The following MRPL46 variants were observed in gnomAD, a reference collection of about 807,000 sequenced individuals.
MRPL46 encodes the protein large ribosomal subunit protein mL46.
A neutral mutation model predicts 31.0 loss-of-function variants in MRPL46; 26 were observed. That is an observed-to-expected ratio of 0.84 (90% CI 0.61 to 1.16). The LOEUF is 1.16. MRPL46 is among the 50% of genes most tolerant of loss of function. MRPL46 has a pLI of 0.00. For synonymous variants in MRPL46, 159 were observed against 141.3 expected, an observed-to-expected ratio of 1.13 and a Z score of -0.89; for missense variants, 395 against 340.0, an observed-to-expected ratio of 1.16 and a Z score of -1.27.
chr15:88,464,708 A>T lies in MRPL46; in HGVS notation c.584T>A (p.Leu195His). Residue 195 changes from leucine (L) to histidine (H), a missense_variant, in exon 3 of 4, where the codon CTC (leucine) becomes CAC (histidine). By Grantham distance (99) the Leu-to-His change is moderately conservative (BLOSUM62 -3). Coordinates refer to ENST00000312475, the MANE Select transcript of MRPL46 (RefSeq NM_022163.4). ...RGTAERTLAT[L>H]SENNMEAKFL... is the part of the protein sequence containing the mutation. ...GAGGAAGGCAGAAAACCCACCTGAG[A>T]GTGTGGCCAGGGTTCGTTCAGCTGT... 1 of 1,613,526 alleles carries T rather than the reference A, an allele frequency of 6.2e-7. No individual in the cohort carries two copies. The highest frequency in any genetic ancestry group is 2.2e-5 in the East Asian group (1 of 44,826).
At chr15:88,466,016 T>A (rs188871077) in intron 1 of MRPL46, among the ~76,000 whole-genome samples, 2 of 152,162 alleles carry the variant, frequency 1.3e-5, no homozygotes, top group Non-Finnish European at 2.9e-5. Flanking sequence ...GGGTCAAGAG[T>A]GCTACAAAAA....
intron 1 of MRPL46, among the ~76,000 whole-genome samples, chr15:88,466,694 TTCACAGCC>T (rs1567041023): frequency 6.6e-6 from 1 of 152,162 alleles, no homozygotes. Context: ...ACCTCACACC[TTCACAGCC>T]ACTACACTGT....
intron 3 of MRPL46, chr15:88,462,088 C>G (rs1270676567): frequency 6.6e-6 from 1 of 151,988 alleles, no homozygotes; most frequent in African/African-American, 2.4e-5. Flanking sequence ...AGGAAAATTA[C>G]ATCTTACACT....
In MRPL46 at chr15:88,465,831, A is replaced by T. The variant is rs940323793; in HGVS notation, c.229-58T>A. ...AATCTGGCAAAATTAAAAGGAAAAA[A>T]AAAACAGGAAGAATAAAACAGAGAC... On this transcript the variant is annotated intron_variant, in intron 1 of 3. Coordinates refer to ENST00000312475, the MANE Select transcript of MRPL46 (RefSeq NM_022163.4). 1.2e-5 allele frequency: 18 copies of T among 1,471,362 alleles called. No individual in the cohort carries two copies. The African/African-American group carries it at 2.6e-4, about 21-fold the overall frequency. The allele number at this position is 1,471,362 out of a possible 1,614,324, so 91.1% of individuals were successfully genotyped here.
At chr15:88,465,197 T>C (rs113508518) in intron 2 of MRPL46, 44 of 408,858 alleles carry the variant, frequency 1.1e-4, no homozygotes, top group African/African-American at 8.2e-4. Flanking sequence ...CTGACTTAAC[T>C]AGCCCCTACT....
At chr15:88,467,033 G>C in intron 1 of MRPL46, 117 bp downstream of exon 1, 1 of 1,178,900 alleles carries the variant, frequency 8.5e-7, no homozygotes, top group Non-Finnish European at 1.2e-6. Flanking sequence ...AACCAAGTCA[G>C]TAAGGTAGGT....
intron 1 of MRPL46, among the ~76,000 whole-genome samples, chr15:88,466,367 T>C (rs2055533308): frequency 6.6e-6 from 1 of 152,254 alleles, no homozygotes; most frequent in Non-Finnish European, 1.5e-5. Flanking sequence ...ACAACACTTA[T>C]CAGGGTCTGC....
chr15:88,467,329 G>T lies in MRPL46; in HGVS notation c.49C>A (p.Arg17=). 6.2e-7 allele frequency: 1 copy of T among 1,605,276 alleles called. No homozygotes were observed. ...CCGGCCCAGAGCCTCTCGAACCGCC[G>T]CCAACCCCCCGCCACCCCTAACAGC... ...RTLLGVAGGW[R]RFERLWAGSL... The change falls in exon 1 of 4, where the codon CGG becomes AGG. Residue 17 remains arginine (R), a synonymous_variant. Transcript: ENST00000312475.
At position 88,459,532 on chromosome 15, in the gene MRPL46, C is replaced by G. The variant is rs1177653475; in HGVS notation, c.*81G>C. ...TTAGTTTGCTGCTTGATATTACCTG[C>G]AAATGTGAGGCAATCACACAATGTC... On this transcript the variant is annotated 3_prime_UTR_variant, in exon 4 of 4. Transcript: ENST00000312475. The G allele has an allele frequency of 1.1e-5, 18 of 1,570,162 alleles. No individual in the cohort carries two copies. The highest frequency in any genetic ancestry group is 1.6e-5 in the Non-Finnish European group (18 of 1,152,654).
chr15:88,467,236 A>C lies in MRPL46; in HGVS notation c.142T>G (p.Leu48Val). The C allele has an allele frequency of 6.2e-7, 1 of 1,614,126 alleles. No homozygotes were observed. The highest frequency in any genetic ancestry group is 1.3e-5 in the African/African-American group (1 of 75,068). ...PSSNGSPWRL[L>V]GALCLQRPPV... ...GGCCGCTGCAGGCACAACGCGCCCA[A>C]CAAGCGCCATGGGGATCCGTTGCTT... is the stretch of plus-strand genomic sequence containing the variant. Residue 48 changes from leucine (L) to valine (V), a missense_variant, in exon 1 of 4, where the codon TTG becomes GTG. Transcript: ENST00000312475.
intron 3 of MRPL46, chr15:88,464,212 A>T (rs2055501171): frequency 6.4e-6 from 1 of 156,924 alleles, no homozygotes; most frequent in African/African-American, 2.4e-5. Flanking sequence ...CCCAAACACC[A>T]ATAATGCCAG....
In MRPL46 at chr15:88,467,372, C is replaced by T. The variant is rs1381697367; in HGVS notation, c.6G>A (p.Ala2=). Reference sequence around the variant, plus strand: ...CTAACAGCGTCCGCCTTACGGGCGCCGCCATCTTTCGTTCTCCCACAATGC... The same window carrying T: ...CTAACAGCGTCCGCCTTACGGGCGCTGCCATCTTTCGTTCTCCCACAATGC... M[A]APVRRTLLGV... The change falls in exon 1 of 4, where the codon GCG becomes GCA. Residue 2 remains alanine, a synonymous_variant. Coordinates refer to ENST00000312475, the MANE Select transcript of MRPL46 (RefSeq NM_022163.4). 6.4e-7 allele frequency: 1 copy of T among 1,568,328 alleles called. No homozygotes were observed. The highest frequency in any genetic ancestry group is 8.6e-7 in the Non-Finnish European group (1 of 1,156,332).
In MRPL46 at chr15:88,459,883, A is replaced by G; in HGVS notation, c.590-20T>C. 6.2e-7 allele frequency: 1 copy of G among 1,613,424 alleles called. No homozygotes were observed. The highest frequency in any genetic ancestry group is 8.5e-7 in the Non-Finnish European group (1 of 1,179,578). On this transcript the variant is annotated intron_variant, in intron 3 of 3. Transcript: ENST00000312475. Reference sequence around the variant, plus strand: ...TGTTTTCTGAAGAGGGAGGAAAGAAAAATCACAATTGGAAGGTAAGGATAC... The same window carrying G: ...TGTTTTCTGAAGAGGGAGGAAAGAAGAATCACAATTGGAAGGTAAGGATAC...
chr15:88,459,694 C>G lies in MRPL46; in HGVS notation c.759G>C (p.Val253=). 6.2e-7 allele frequency: 1 copy of G among 1,614,198 alleles called. No individual in the cohort carries two copies. Among genetic ancestry groups the G allele is most frequent in the Non-Finnish European group, 8.5e-7 (1 of 1,180,036 alleles). Reference sequence around the variant, plus strand: ...CACCCAGCTCATCCTTAGTGACCCACACATGATGGCCCTTATTCCCAGCCT... The same window carrying G: ...CACCCAGCTCATCCTTAGTGACCCAGACATGATGGCCCTTATTCCCAGCCT... ...FSQAGNKGHH[V]WVTKDELGDY... is the part of the protein sequence containing the mutation. The change falls in exon 4 of 4, where the codon GTG becomes GTC. Residue 253 remains valine, a synonymous_variant. Coordinates refer to ENST00000312475, the MANE Select transcript of MRPL46 (RefSeq NM_022163.4).
chr15:88,460,502 C>G (rs906603885), intron 3 of MRPL46: 7 of 152,586 alleles, frequency 4.6e-5, no homozygotes, highest in African/African-American at 1.4e-4. Context: ...TAAGGGTTAA[C>G]AACCCCAATT....
In MRPL46 at chr15:88,463,284, G is replaced by A. The variant is rs920869827; in HGVS notation, c.589+1419C>T. On this transcript the variant is annotated intron_variant, in intron 3 of 3. Transcript: ENST00000312475. The surrounding 1 kb of genome is among the most constrained non-coding windows in gnomAD (Gnocchi z 5.4). ...ATGGGAGGGCAGGTAAAGTGGCTGTGCACCACCAAATCCATTTAGTCAACA... is the reference window on the plus strand; with the variant it reads ...ATGGGAGGGCAGGTAAAGTGGCTGTACACCACCAAATCCATTTAGTCAACA... The A allele has an allele frequency of 1.3e-5, 2 of 152,172 alleles. No individual in the cohort carries two copies. The highest frequency in any genetic ancestry group is 2.9e-5 in the Non-Finnish European group (2 of 68,010). 9.4% of individuals were successfully genotyped at this position (152,172 alleles called of 1,614,324 possible). A position where few individuals can be genotyped will look rare whatever the true frequency, so the allele number is the denominator to read the frequency against.
rs745662395 is a variant in MRPL46 at position 88,459,674 on chromosome 15, A to T, written c.779T>A (p.Leu260Gln). Residue 260 changes from leucine (L) to glutamine (Q), a missense_variant, in exon 4 of 4, where the codon CTG (leucine) becomes CAG (glutamine). Leu to Gln is a moderately radical substitution (Grantham distance 113). Coordinates refer to ENST00000312475, the MANE Select transcript of MRPL46 (RefSeq NM_022163.4). ...GHHVWVTKDE[L>Q]GDYLKPKYLA... ...GTATTTTGGTTTCAAATAGTCACCC[A>T]GCTCATCCTTAGTGACCCACACATG... 6.2e-7 allele frequency: 1 copy of T among 1,614,214 alleles called. No homozygotes were observed. Among genetic ancestry groups the T allele is most frequent in the Non-Finnish European group, 8.5e-7 (1 of 1,180,036 alleles).
At chr15:88,465,553 C>A in intron 2 of MRPL46, 34 bp downstream of exon 2, 3 of 1,512,180 alleles carry the variant, frequency 2.0e-6, no homozygotes, top group Non-Finnish European at 2.7e-6. Context: ...TACCCCTTTT[C>A]CCTTCCTTCT....
In MRPL46 at chr15:88,459,855, T is replaced by C. The variant is rs756029941; in HGVS notation, c.598A>G (p.Met200Val). 2 of 1,614,054 alleles carry C rather than the reference T, an allele frequency of 1.2e-6. No individual in the cohort carries two copies. The highest frequency in any genetic ancestry group is 1.7e-5 in the Admixed American group (1 of 60,026). ...RTLATLSENN[M>V]EAKFLGNAPC... is the part of the protein sequence containing the mutation. ...GCATTTCCTAGGAACTTGGCTTCCA[T>C]GTTGTTTTCTGAAGAGGGAGGAAAG... The change falls in exon 4 of 4, where the codon ATG (methionine) becomes GTG (valine). Residue 200 changes from methionine (M) to valine (V), a missense_variant. Transcript: ENST00000312475.
Sources: allele counts gnomAD v4.1 joint callset (sites outside exome capture counted in the v4.1 genomes callset), GRCh38; gene constraint gnomAD v4.1.1; non-coding constraint Gnocchi (gnomAD v3.1); transcripts MANE v1.5; gene names NCBI Gene and HGNC (gene_info 2026-07-23, HGNC 2026-07-21).